Variants in GPC3 observed in about 807,000 individuals in gnomAD.
The protein encoded by GPC3 is glypican-3.
In GPC3, 3 loss-of-function variants were observed where a neutral mutation model predicts 34.4. The ratio of observed to expected loss-of-function variants is 0.09; its 90% CI spans 0.04 to 0.23. GPC3 has a LOEUF of 0.23. Among genes scored for constraint, GPC3 ranks in the 10% least tolerant of loss-of-function variants. GPC3 has a pLI of 1.00. For synonymous variants in GPC3, 177 were observed against 174.0 expected (o/e 1.02, Z -0.13); for missense variants, 351 against 445.6 (o/e 0.79, Z 1.91).
At chrX:133,689,140 C>T (rs960754829) in intron 5 of GPC3, among the ~76,000 whole-genome samples, 3 of 110,748 alleles carry the variant, frequency 2.7e-5, no homozygotes, top group African/African-American at 9.8e-5. Flanking sequence ...TCTTACCTCC[C>T]TTCTTTCCTT....
chrX:133,764,314 G>A (rs746880421), intron 2 of GPC3, among the ~76,000 whole-genome samples: 1 of 111,346 alleles, frequency 9.0e-6, no homozygotes, highest in Non-Finnish European at 1.9e-5. Context: ...TGCTTCATAC[G>A]TAGGTGATGA....
chrX:133,898,514 A>G (rs2076129418), intron 2 of GPC3, among the ~76,000 whole-genome samples: 1 of 112,100 alleles, frequency 8.9e-6, no homozygotes, highest in Non-Finnish European at 1.9e-5. Flanking sequence ...CAAATTGTAA[A>G]CCGATACCTA....
chrX:133,971,029 G>T (rs1037820689), intron 1 of GPC3, among the ~76,000 whole-genome samples: 6 of 112,291 alleles, frequency 5.3e-5, no homozygotes, highest in African/African-American at 1.9e-4. Context: ...GGAAAAGCAG[G>T]TTATAATTTG....
chrX:133,668,691 T>C (rs958663528), intron 5 of GPC3, among the ~76,000 whole-genome samples: 4 of 111,277 alleles, frequency 3.6e-5, no homozygotes, highest in Admixed American at 9.6e-5. Flanking sequence ...GACTACCCTA[T>C]TGGCAGCCTG....
chrX:133,654,178 G>T (rs2070628813), intron 6 of GPC3, among the ~76,000 whole-genome samples: 1 of 111,122 alleles, frequency 9.0e-6, no homozygotes, highest in African/African-American at 3.3e-5. Context: ...TATATTGAGG[G>T]TCTACTTTGT....
intron 2 of GPC3, among the ~76,000 whole-genome samples, chrX:133,839,126 T>A (rs1454334470): frequency 9.0e-6 from 1 of 111,476 alleles, no homozygotes; most frequent in African/African-American, 3.3e-5. Context: ...ACAAAAACAC[T>A]ACCATCAGCA....
intron 6 of GPC3, among the ~76,000 whole-genome samples, chrX:133,655,245 A>G (rs2070644348): frequency 9.0e-6 from 1 of 111,599 alleles, no homozygotes; most frequent in Non-Finnish European, 1.9e-5. Context: ...CAAAGCCACC[A>G]GACATTGTGA....
chrX:133,716,923 A>G (rs2071319074), intron 3 of GPC3, among the ~76,000 whole-genome samples: 1 of 111,815 alleles, frequency 8.9e-6, no homozygotes, highest in Non-Finnish European at 1.9e-5. Flanking sequence ...CATTGCATTC[A>G]AAGGGCCCTC....
intron 7 of GPC3, among the ~76,000 whole-genome samples, chrX:133,564,680 T>C (rs1206666436): frequency 8.9e-6 from 1 of 111,732 alleles, no homozygotes; most frequent in Non-Finnish European, 1.9e-5. Context: ...TAAAACAAAA[T>C]TGCTGTAAGG....
chrX:133,749,447 C>T (rs1038312200), intron 3 of GPC3, among the ~76,000 whole-genome samples: 4 of 111,250 alleles, frequency 3.6e-5, no homozygotes, highest in African/African-American at 1.3e-4. Context: ...CGACAACACC[C>T]CAGTATTTGT....
intron 6 of GPC3, among the ~76,000 whole-genome samples, chrX:133,625,120 T>G (rs1483281853): frequency 8.9e-6 from 1 of 111,822 alleles, no homozygotes; most frequent in Admixed American, 9.5e-5. Flanking sequence ...CAACAACGCT[T>G]CATGCTAAAA....
Position 133,776,882 on chromosome X carries a change from T to C in GPC3, c.338-22706A>G, listed in dbSNP as rs755923497. Among the ~76,000 whole-genome samples, 328 of 92,464 alleles carry C rather than the reference T, an allele frequency of 3.5e-3. 2 individuals are homozygous for C. The highest frequency in any genetic ancestry group is 0.012 in the African/African-American group (307 of 25,430). The allele number at this position is 92,464 out of a possible 115,157, so 80.3% of individuals were successfully genotyped here. A position where few individuals can be genotyped will look rare whatever the true frequency, so the allele number is the denominator to read the frequency against. On this transcript the variant is annotated intron_variant, in intron 2 of 7. Coordinates refer to ENST00000370818, the MANE Select transcript of GPC3 (RefSeq NM_004484.4). ...AGTAGTCACGTCCTTTCTTTTCTTTTTTTTTTTTTTTTTTTGAGATGGAGT... is the reference window on the plus strand; with the variant it reads ...AGTAGTCACGTCCTTTCTTTTCTTTCTTTTTTTTTTTTTTTGAGATGGAGT...
At chrX:133,763,637 C>T in intron 2 of GPC3, 2 of 785,709 alleles carry the variant, frequency 2.5e-6, no homozygotes, top group East Asian at 6.3e-5. Context: ...GCCGCTTCCA[C>T]TGCTCAGGCC....
chrX:133,620,971 C>G (rs1230133464), intron 6 of GPC3, among the ~76,000 whole-genome samples: 1 of 111,380 alleles, frequency 9.0e-6, no homozygotes, highest in Admixed American at 9.5e-5. Context: ...TGTGGCCCAA[C>G]CACCTTGGGT....
intron 2 of GPC3, among the ~76,000 whole-genome samples, chrX:133,785,798 T>G (rs2072094971): frequency 8.9e-6 from 1 of 112,098 alleles, no homozygotes; most frequent in Non-Finnish European, 1.9e-5. Context: ...CACAGATTAA[T>G]TTCTTGACGG....
At chrX:133,600,918 G>C (rs1465515534) in intron 6 of GPC3, among the ~76,000 whole-genome samples, 18 of 112,286 alleles carry the variant, frequency 1.6e-4, no homozygotes, top group African/African-American at 5.8e-4. Flanking sequence ...ACACTGTCCT[G>C]TTAGCTTTTT....
At chrX:133,821,348 C>T (rs992905191) in intron 2 of GPC3, among the ~76,000 whole-genome samples, 5 of 112,161 alleles carry the variant, frequency 4.5e-5, no homozygotes, top group Non-Finnish European at 7.5e-5. Context: ...TCTGTATAAT[C>T]CTGGCACATT....
intron 4 of GPC3, among the ~76,000 whole-genome samples, chrX:133,698,901 C>T (rs1023780216): frequency 3.6e-5 from 4 of 111,981 alleles, no homozygotes; most frequent in African/African-American, 9.7e-5. Context: ...CCTGTTGTTT[C>T]GTTTTCTTCT....
At chrX:133,567,685 C>T (rs1270007519) in intron 7 of GPC3, among the ~76,000 whole-genome samples, 1 of 111,380 alleles carries the variant, frequency 9.0e-6, no homozygotes, top group Non-Finnish European at 1.9e-5. Context: ...ATAGAAATGC[C>T]GTTTGATTGA....
Sources: gnomAD v4.1 joint callset for allele counts (sites outside exome capture counted in the v4.1 genomes callset) on GRCh38, gnomAD v4.1.1 for gene constraint, MANE v1.5 for transcripts, NCBI Gene and HGNC (gene_info 2026-07-23, HGNC 2026-07-21) for gene names.